Variants in CCDC137 observed in about 807,000 individuals in gnomAD.
The protein encoded by CCDC137 is coiled-coil domain-containing protein 137.
CCDC137 carries 24 observed loss-of-function variants against 30.4 expected under a neutral mutation model. The ratio of observed to expected loss-of-function variants is 0.79; its 90% CI spans 0.57 to 1.11. The LOEUF (loss-of-function observed/expected upper bound fraction) is 1.11, where lower values mean the gene tolerates loss of function less well. Ranked by LOEUF, CCDC137 falls within the 50% of genes least tolerant of loss-of-function variation. CCDC137 has a pLI of 0.00. For missense variants in CCDC137, 417 were observed against 380.4 expected (o/e 1.10, Z -0.80); for synonymous variants, 182 against 155.7 (o/e 1.17, Z -1.26).
Position 81,667,718 on chromosome 17 carries a change from C to T in CCDC137, c.135-11C>T, listed in dbSNP as rs1252027670. Reference sequence around the variant, plus strand: ...TTGGGACGGGTCTCACCCCCGTGTTCTTTCTCCCAGCAAAGAGAAGAAGAA... The same window carrying T: ...TTGGGACGGGTCTCACCCCCGTGTTTTTTCTCCCAGCAAAGAGAAGAAGAA... On this transcript the variant is annotated splice_polypyrimidine_tract_variant and intron_variant, in intron 1 of 5. Transcript: ENST00000329214. 1.2e-6 allele frequency: 2 copies of T among 1,613,500 alleles called. No homozygotes were observed. The highest frequency in any genetic ancestry group is 1.7e-5 in the Admixed American group (1 of 59,884).
In CCDC137 at chr17:81,666,789, C is replaced by T. The variant is rs559897149; in HGVS notation, c.23C>T (p.Ala8Val). Residue 8 changes from alanine (A) to valine (V), a missense_variant, in exon 1 of 6, where the codon GCA becomes GTA. By Grantham distance (64) the Ala-to-Val change is moderately conservative. Transcript: ENST00000329214. The stretch of plus-strand genomic sequence containing the variant: ...GAGATGGCGGGAGCTGGTCGCGGAG[C>T]AGCGGTGTCCAGGGTGCAGGCGGGT... MAGAGRG[A>V]AVSRVQAGPG... 6.1e-6 allele frequency: 9 copies of T among 1,467,974 alleles called. No homozygotes were observed. In the Admixed American group the frequency reaches 7.7e-5, roughly 13 times the overall value. 90.9% of individuals were successfully genotyped at this position (1,467,974 alleles called of 1,614,324 possible).
chr17:81,670,985 A>C (rs2144443687), intron 3 of CCDC137, among the ~76,000 whole-genome samples: 1 of 152,048 alleles, frequency 6.6e-6, no homozygotes, highest in East Asian at 1.9e-4. Context: ...AAAAAAAATT[A>C]GCCGGGCGTG....
At chr17:81,667,039 C>T (rs1234793793) in intron 1 of CCDC137, 139 bp downstream of exon 1, 45 of 888,614 alleles carry the variant, frequency 5.1e-5, no homozygotes, top group Non-Finnish European at 6.4e-5. Context: ...TGTCTGTGCC[C>T]GCGGCCCACG....
In CCDC137 at chr17:81,666,882, C is replaced by G; in HGVS notation, c.116C>G (p.Pro39Arg). 1.6e-6 allele frequency: 2 copies of G among 1,285,252 alleles called. No individual in the cohort carries two copies. The highest frequency in any genetic ancestry group is 2.4e-5 in the South Asian group (1 of 41,498). 79.6% of individuals were successfully genotyped at this position (1,285,252 alleles called of 1,614,324 possible). A position where few individuals can be genotyped will look rare whatever the true frequency, so the allele number is the denominator to read the frequency against. The change falls in exon 1 of 6, where the codon CCG (proline) becomes CGG (arginine). Residue 39 changes from proline to arginine, a missense_variant. Physicochemically the swap from Pro to Arg is moderately radical, Grantham distance 103 (BLOSUM62 -2). Transcript: ENST00000329214. ...VQPLGKQRPA[P>R]WPGLRSKEKK... ...CCGCTGGGGAAGCAGCGCCCAGCCC[C>G]GTGGCCCGGGCTTCGCAGGTGACTG...
intron 1 of CCDC137, 132 bp downstream of exon 1, chr17:81,667,032 C>G: frequency 1.0e-6 from 1 of 964,986 alleles, no homozygotes; most frequent in Non-Finnish European, 1.3e-6. Context: ...CCTCCTCTGT[C>G]TGTGCCCGCG....
At chr17:81,671,491 G>A (rs2036719342) in intron 3 of CCDC137, 2 of 518,250 alleles carry the variant, frequency 3.9e-6, no homozygotes, top group African/African-American at 1.9e-5. Context: ...ATTGTCAGAT[G>A]TTCCCTGGCA....
intron 2 of CCDC137, 33 bp downstream of exon 2, chr17:81,667,895 G>A: frequency 6.2e-7 from 1 of 1,603,848 alleles, no homozygotes; most frequent in African/African-American, 1.3e-5. Flanking sequence ...CGGCAGTGAA[G>A]CTTTGTGTGT....
At chr17:81,669,013 C>T (rs1017463365) in intron 2 of CCDC137, among the ~76,000 whole-genome samples, 1 of 152,082 alleles carries the variant, frequency 6.6e-6, no homozygotes, top group Admixed American at 6.5e-5. Flanking sequence ...CCTCAGCCTC[C>T]CGAGTAGCTG....
At position 81,672,597 on chromosome 17, in the gene CCDC137, A is replaced by C. The variant is rs1303778366; in HGVS notation, c.763A>C (p.Arg255=). The C allele has an allele frequency of 6.3e-7, 1 of 1,586,458 alleles. No homozygotes were observed. The highest frequency in any genetic ancestry group is 8.6e-7 in the Non-Finnish European group (1 of 1,167,224). ...CCGCCAGCGGATTGTGGAGGAGGAG[A>C]GAGAGCGGGCCGTGCAGGCCTACAG... ...LARQRIVEEE[R]ERAVQAYRAL... is the part of the protein sequence containing the mutation. The change falls in exon 6 of 6, where the codon AGA becomes CGA. Residue 255 remains arginine, a synonymous_variant. Transcript: ENST00000329214.
At position 81,667,863 on chromosome 17, in the gene CCDC137, G is replaced by A. The variant is rs764637968; in HGVS notation, c.268+1G>A. The stretch of plus-strand genomic sequence containing the variant: ...AGTAACAAGAAGAGGAAGAAAGCAG[G>A]TGTGTGCAGGCCCATACTGGGCGGC... On this transcript the variant is annotated splice_donor_variant, in intron 2 of 5. Coordinates refer to ENST00000329214, the MANE Select transcript of CCDC137 (RefSeq NM_199287.3). LOFTEE classifies it high-confidence loss of function. 7.2e-5 allele frequency: 116 copies of A among 1,611,090 alleles called. No homozygotes were observed. Among genetic ancestry groups the A allele is most frequent in the Non-Finnish European group, 9.2e-5 (109 of 1,179,790 alleles).
intron 2 of CCDC137, 66 bp downstream of exon 2, chr17:81,667,928 A>G (rs1449552740): frequency 3.8e-6 from 6 of 1,558,770 alleles, no homozygotes; most frequent in African/African-American, 1.4e-5. Context: ...AATCGCCCAA[A>G]TACTTCAGAA....
intron 3 of CCDC137, among the ~76,000 whole-genome samples, chr17:81,670,690 C>T (rs1412898215): frequency 6.6e-6 from 1 of 152,202 alleles, no homozygotes; most frequent in Admixed American, 6.5e-5. Flanking sequence ...TCGCTTGGTC[C>T]TTGCTTTCAC....
At chr17:81,672,342 A>AG (rs2036728949) in intron 5 of CCDC137, among the ~76,000 whole-genome samples, 153 bp from the exon 6 acceptor site, 1 of 150,508 alleles carries the variant, frequency 6.6e-6, no homozygotes, top group African/African-American at 2.4e-5. Flanking sequence ...TGTGTCAAGA[A>AG]AAAAAAAAAC....
chr17:81,671,755 G>A lies in CCDC137; in HGVS notation c.509G>A (p.Arg170Gln), dbSNP rs758713013. 4.4e-5 allele frequency: 71 copies of A among 1,612,276 alleles called. 1 individual carries two copies. In the South Asian group the frequency reaches 5.9e-4, roughly 13 times the overall value. The change falls in exon 4 of 6, where the codon CGG becomes CAG. Residue 170 changes from arginine to glutamine, a missense_variant. Transcript: ENST00000329214. ...GCTTTCTTCCCCAGGTTCCAGAAGC[G>A]GCGACTAGATAAAGTCCGACGGAAA... is the stretch of plus-strand genomic sequence containing the variant. ...QKKAKKAFQK[R>Q]RLDKVRRKKE...
rs933674149 is a variant in CCDC137 at position 81,670,507 on chromosome 17, T to C, written c.497+54T>C. On this transcript the variant is annotated intron_variant, in intron 3 of 5. Transcript: ENST00000329214. ...TGCCCTGGGAGCCGGAGGGAAGACA[T>C]TGGGTTCCCATGACGGCCCTCTGCA... The C allele has an allele frequency of 5.7e-5, 85 of 1,496,164 alleles. 3 individuals carry two copies. In the South Asian group the frequency reaches 7.8e-4, roughly 14 times the overall value. 92.7% of individuals were successfully genotyped at this position (1,496,164 alleles called of 1,614,324 possible). A position where few individuals can be genotyped will look rare whatever the true frequency, so the allele number is the denominator to read the frequency against.
chr17:81,667,319 CTT>C (rs913039751), intron 1 of CCDC137, among the ~76,000 whole-genome samples: 36 of 125,602 alleles, frequency 2.9e-4, no homozygotes, highest in Admixed American at 7.2e-4. Context: ...TAGATAGATT[CTT>C]TTTTTTTTTT....
intron 4 of CCDC137, 46 bp from the exon 5 acceptor site, chr17:81,672,030 G>A: frequency 6.2e-7 from 1 of 1,602,000 alleles, no homozygotes; most frequent in Non-Finnish European, 8.6e-7. Flanking sequence ...TGTCAGGGGT[G>A]CAGTGGCTGT....
intron 3 of CCDC137, among the ~76,000 whole-genome samples, chr17:81,670,850 C>T (rs987407129): frequency 6.6e-5 from 10 of 152,090 alleles, no homozygotes; most frequent in Admixed American, 3.3e-4. Context: ...AAGCTTTGGC[C>T]GAGTACAGTG....
chr17:81,667,969 C>T (rs769248694), intron 2 of CCDC137, 107 bp downstream of exon 2: 90 of 1,369,406 alleles, frequency 6.6e-5, no homozygotes, highest in Non-Finnish European at 9.8e-6. Context: ...TGCCAAGACC[C>T]GGTGCTCAGA....
Sources: allele counts gnomAD v4.1 joint callset (sites outside exome capture counted in the v4.1 genomes callset), GRCh38; gene constraint gnomAD v4.1.1; transcripts MANE v1.5; gene names NCBI Gene and HGNC (gene_info 2026-07-23, HGNC 2026-07-21).